Variants in PDE1A observed in about 807,000 individuals in gnomAD.
PDE1A encodes the protein phosphodiesterase 1A.
A neutral mutation model predicts 61.7 loss-of-function variants in PDE1A; 35 were observed. The observed-to-expected ratio is 0.57, with a 90% CI of 0.43 to 0.75. The LOEUF (loss-of-function observed/expected upper bound fraction) is 0.75. Ranked by LOEUF, PDE1A falls within the 30% of genes least tolerant of loss-of-function variation. PDE1A has a pLI of 0.00. For synonymous variants in PDE1A, 232 were observed against 213.2 expected, an observed-to-expected ratio of 1.09 and a Z score of -0.77; for missense variants, 597 against 630.6, an observed-to-expected ratio of 0.95 and a Z score of 0.57.
intron 4 of PDE1A, among the ~76,000 whole-genome samples, chr2:182,231,859 G>C (rs1395324406): frequency 6.6e-6 from 1 of 152,134 alleles, no homozygotes; most frequent in Non-Finnish European, 1.5e-5. Flanking sequence ...AGGTTGCAGT[G>C]AGCCAAGATC....
chr2:182,652,999 A>G, the PDE1A span, among the ~76,000 whole-genome samples: 4 of 152,078 alleles, frequency 2.6e-5, no homozygotes, highest in Admixed American at 6.5e-5. Flanking sequence ...CATGAGTTCT[A>G]CTGTGTAGTA....
chr2:182,276,933 A>AAAAAATCCCGTCC (rs1282831208), intron 1 of PDE1A, among the ~76,000 whole-genome samples: 12 of 151,868 alleles, frequency 7.9e-5, no homozygotes, highest in African/African-American at 2.7e-4. Context: ...TAGGGTGGGG[A>AAAAAATCCCGTCC]AAAAATCCCG....
At chr2:182,535,338 G>A in the PDE1A span, among the ~76,000 whole-genome samples, 1 of 68,848 alleles carries the variant, frequency 1.5e-5, no homozygotes, top group African/African-American at 2.9e-5. Context: ...GACAGAGTCA[G>A]GATTTAAAAC....
At chr2:182,185,706 A>T in intron 13 of PDE1A, 186 bp downstream of exon 13, 1 of 1,155,794 alleles carries the variant, frequency 8.7e-7, no homozygotes, top group Non-Finnish European at 1.2e-6. Flanking sequence ...CAAACAAACC[A>T]GAACCTCTTT....
intron 1 of PDE1A, among the ~76,000 whole-genome samples, chr2:182,362,938 C>T (rs1699597625): frequency 6.6e-6 from 1 of 152,024 alleles, no homozygotes; most frequent in Admixed American, 6.6e-5. Context: ...GCCTGGAGAC[C>T]ATTATCCTTA....
At chr2:182,366,475 T>G (rs1699843207) in intron 1 of PDE1A, among the ~76,000 whole-genome samples, 1 of 152,066 alleles carries the variant, frequency 6.6e-6, no homozygotes, top group African/African-American at 2.4e-5. Context: ...CACCCTAAAC[T>G]AACCACCTCT....
the PDE1A span, among the ~76,000 whole-genome samples, chr2:182,576,889 T>C: frequency 6.6e-6 from 1 of 152,196 alleles, no homozygotes; most frequent in Admixed American, 6.5e-5. Flanking sequence ...ATATCTTAAG[T>C]AGAAAAATGT....
At chr2:182,443,865 G>A (rs561454388) in intron 2 of PDE1A, among the ~76,000 whole-genome samples, 11 of 151,684 alleles carry the variant, frequency 7.3e-5, no homozygotes, top group Non-Finnish European at 1.3e-4. Context: ...CACCATGCCC[G>A]GCTAATTTTG....
At chr2:182,424,461 A>G (rs16823227) in intron 1 of PDE1A, among the ~76,000 whole-genome samples, 5,764 of 152,230 alleles carry the variant, frequency 0.038, 132 homozygotes, top group Middle Eastern at 0.071. Context: ...GGTCTAGTAC[A>G]TGGGTCTCTG....
At chr2:182,513,283 G>A (rs929373678) in intron 2 of PDE1A, among the ~76,000 whole-genome samples, 8 of 152,130 alleles carry the variant, frequency 5.3e-5, no homozygotes, top group Non-Finnish European at 7.4e-5. Context: ...GAAGAGACTG[G>A]GGGCCTATAT....
At chr2:182,578,698 A>G in the PDE1A span, among the ~76,000 whole-genome samples, 1 of 152,204 alleles carries the variant, frequency 6.6e-6, no homozygotes, top group Non-Finnish European at 1.5e-5. Context: ...AACCTGAAAG[A>G]ATGGTATTTC....
chr2:182,395,677 G>T (rs372798157), intron 1 of PDE1A, among the ~76,000 whole-genome samples: 1 of 152,166 alleles, frequency 6.6e-6, no homozygotes, highest in Admixed American at 6.5e-5. Context: ...AAGCTGCTCT[G>T]CCACTTGGGC....
At chr2:182,285,271 T>C (rs1393493472) in intron 1 of PDE1A, among the ~76,000 whole-genome samples, 3 of 152,126 alleles carry the variant, frequency 2.0e-5, no homozygotes, top group African/African-American at 7.2e-5. Context: ...TGTTTTCTTT[T>C]CTTGTTTTCT....
chr2:182,220,845 T>C (rs1293749446), intron 7 of PDE1A, among the ~76,000 whole-genome samples: 1 of 152,016 alleles, frequency 6.6e-6, no homozygotes, highest in Non-Finnish European at 1.5e-5. Flanking sequence ...ATAAATGACA[T>C]ATGACCTTAT....
At chr2:182,323,762 C>T (rs575046996) in intron 1 of PDE1A, among the ~76,000 whole-genome samples, 1 of 152,112 alleles carries the variant, frequency 6.6e-6, no homozygotes, top group South Asian at 2.1e-4. Context: ...TATTACATCT[C>T]ACGAACTCTG....
the PDE1A span, among the ~76,000 whole-genome samples, chr2:182,691,143 T>A: frequency 6.6e-6 from 1 of 152,186 alleles, no homozygotes; most frequent in Non-Finnish European, 1.5e-5. Flanking sequence ...CCCATCAAGC[T>A]ACCAATGACT....
At chr2:182,219,228 T>C (rs772540413) in intron 7 of PDE1A, among the ~76,000 whole-genome samples, 4 of 152,156 alleles carry the variant, frequency 2.6e-5, no homozygotes, top group Non-Finnish European at 5.9e-5. Context: ...GATTTTATTT[T>C]TAAAATGATG....
At chr2:182,504,883 T>C (rs533019033) in intron 2 of PDE1A, among the ~76,000 whole-genome samples, 2 of 152,380 alleles carry the variant, frequency 1.3e-5, no homozygotes, top group South Asian at 4.1e-4. Flanking sequence ...GTTAAAATTG[T>C]TCAATTACAT....
the PDE1A span, among the ~76,000 whole-genome samples, chr2:182,697,931 A>G: frequency 6.6e-6 from 1 of 152,224 alleles, no homozygotes; most frequent in Admixed American, 6.5e-5. Flanking sequence ...CATTCCAATA[A>G]TAATAAATTT....
Sources: gnomAD v4.1 joint callset for allele counts (sites outside exome capture counted in the v4.1 genomes callset) on GRCh38, gnomAD v4.1.1 for gene constraint, MANE v1.5 for transcripts, NCBI Gene and HGNC (gene_info 2026-07-23, HGNC 2026-07-21) for gene names.